NCAPG2: variants seen among roughly 807,000 people sequenced by gnomAD.
NCAPG2 encodes the protein non-SMC condensin II complex subunit G2.
In NCAPG2, 53 loss-of-function variants were observed where a neutral mutation model predicts 141.1. That is an observed-to-expected ratio of 0.38 (90% CI 0.30 to 0.47). The LOEUF (loss-of-function observed/expected upper bound fraction) is 0.47, where lower values mean the gene tolerates loss of function less well. Among genes scored for constraint, NCAPG2 ranks in the 20% least tolerant of loss-of-function variants. The pLI is 0.99. For synonymous variants in NCAPG2, 499 were observed against 490.7 expected (o/e 1.02, Z -0.22); for missense variants, 1,087 against 1,389.0 (o/e 0.78, Z 3.46).
At chr7:158,679,418 C>T (rs1208179228) in intron 11 of NCAPG2, among the ~76,000 whole-genome samples, 1 of 152,220 alleles carries the variant, frequency 6.6e-6, no homozygotes, top group Non-Finnish European at 1.5e-5. Flanking sequence ...CATCCTAGCA[C>T]CTCATCTGAA....
chr7:158,662,728 C>G (rs530929711), intron 15 of NCAPG2, among the ~76,000 whole-genome samples: 1 of 152,176 alleles, frequency 6.6e-6, no homozygotes, highest in South Asian at 2.1e-4. Context: ...CTTTTCACCA[C>G]AAATCTCGAT....
chr7:158,632,854 T>C (rs930450178), intron 27 of NCAPG2, among the ~76,000 whole-genome samples: 2 of 152,230 alleles, frequency 1.3e-5, no homozygotes, highest in Non-Finnish European at 2.9e-5. Context: ...GTAATCAATA[T>C]AAAATTATTT....
chr7:158,683,474 G>C (rs1834566554), intron 8 of NCAPG2, 88 bp from the exon 9 acceptor site: 1 of 766,292 alleles, frequency 1.3e-6, no homozygotes, highest in Non-Finnish European at 2.0e-6. Context: ...AGTACAAAGA[G>C]TCTGACCTGT....
chr7:158,674,673 A>G (rs1833947379), intron 12 of NCAPG2, among the ~76,000 whole-genome samples: 1 of 152,260 alleles, frequency 6.6e-6, no homozygotes. Flanking sequence ...CCACTAGGGC[A>G]TGGCCGTGAG....
At chr7:158,666,708 C>G (rs1341156019) in intron 13 of NCAPG2, among the ~76,000 whole-genome samples, 1 of 151,826 alleles carries the variant, frequency 6.6e-6, no homozygotes, top group Non-Finnish European at 1.5e-5. Context: ...AGGAGGATCG[C>G]TTGAGGCCAG....
chr7:158,680,915 C>T (rs1563561756), intron 9 of NCAPG2, 99 bp from the exon 10 acceptor site: 3 of 831,086 alleles, frequency 3.6e-6, no homozygotes, highest in Non-Finnish European at 1.8e-6. Context: ...TTGTTCTCTC[C>T]ACCACAAGTA....
In NCAPG2 at chr7:158,652,600, T is replaced by C. The variant is rs887764859; in HGVS notation, c.2747-120A>G. 3.1e-5 allele frequency: 27 copies of C among 866,518 alleles called. 1 individual carries two copies. Among genetic ancestry groups the C allele is most frequent in the Middle Eastern group, 7.2e-4 (2 of 2,776 alleles). The allele number at this position is 866,518 out of a possible 1,614,324, so 53.7% of individuals were successfully genotyped here. ...CAAAAAAGAGATTATTACACTTTGG[T>C]ATTTGGTGAGCCAATACCAAAAGCC... On this transcript the variant is annotated intron_variant, in intron 22 of 27. Transcript: ENST00000356309.
chr7:158,679,136 G>A (rs569231912), intron 11 of NCAPG2, among the ~76,000 whole-genome samples: 3 of 152,326 alleles, frequency 2.0e-5, no homozygotes, highest in Non-Finnish European at 2.9e-5. Flanking sequence ...GATTACAGGC[G>A]TAAGCCACTG....
chr7:158,667,121 A>C, intron 13 of NCAPG2: 1 of 984,186 alleles, frequency 1.0e-6, no homozygotes, highest in East Asian at 1.1e-4. Flanking sequence ...ATTAGCTTGC[A>C]TGCTCGTCAC....
chr7:158,655,314 A>G (rs1563516162), intron 20 of NCAPG2, 25 bp downstream of exon 20: 1 of 1,614,168 alleles, frequency 6.2e-7, no homozygotes, highest in East Asian at 2.2e-5. Context: ...GTATCATCCT[A>G]ATAGAGGGCC....
intron 2 of NCAPG2, among the ~76,000 whole-genome samples, chr7:158,700,155 C>A (rs959343047): frequency 2.6e-5 from 4 of 152,296 alleles, no homozygotes; most frequent in African/African-American, 7.2e-5. Flanking sequence ...GATGCACAAT[C>A]CTACACATTT....
chr7:158,669,604 AT>A (rs1833538723), intron 13 of NCAPG2, among the ~76,000 whole-genome samples: 1 of 151,246 alleles, frequency 6.6e-6, no homozygotes, highest in African/African-American at 2.4e-5. Flanking sequence ...CTCTACTAAA[AT>A]TTAAAAAAAA....
chr7:158,665,067 T>C (rs1479734041), intron 13 of NCAPG2: 2 of 217,948 alleles, frequency 9.2e-6, no homozygotes, highest in Non-Finnish European at 9.1e-6. Flanking sequence ...TAATATTTTT[T>C]AATTTCTTAA....
chr7:158,655,046 A>T, intron 21 of NCAPG2, 72 bp downstream of exon 21: 1 of 1,485,512 alleles, frequency 6.7e-7, no homozygotes, highest in Non-Finnish European at 9.0e-7. Context: ...ACCACTCTAA[A>T]GTAGAAAATG....
chr7:158,667,375 CCCCCTTACCCACTACT>C (rs1833107679), intron 13 of NCAPG2: 3 of 167,250 alleles, frequency 1.8e-5, no homozygotes, highest in Admixed American at 2.4e-4. Flanking sequence ...TCCCTCCGCC[CCCCCTTACCCACTACT>C]GGGTCCCTCC....
intron 12 of NCAPG2, 40 bp from the exon 13 acceptor site, chr7:158,671,706 A>G: frequency 6.2e-7 from 1 of 1,603,628 alleles, no homozygotes; most frequent in Non-Finnish European, 8.5e-7. Flanking sequence ...AAATCAGAAC[A>G]TGCCAATGAA....
intron 16 of NCAPG2, 30 bp downstream of exon 16, chr7:158,662,164 C>G: frequency 1.3e-6 from 2 of 1,560,024 alleles, no homozygotes; most frequent in Non-Finnish European, 8.6e-7. Context: ...CCTTAATATA[C>G]CTTGCTTACA....
intron 15 of NCAPG2, among the ~76,000 whole-genome samples, chr7:158,663,089 A>G (rs1832646185): frequency 6.6e-6 from 1 of 152,254 alleles, no homozygotes. Flanking sequence ...ACGTAAGTGC[A>G]TTGTGGCTGC....
intron 27 of NCAPG2, chr7:158,639,775 A>C: frequency 1.1e-6 from 1 of 905,674 alleles, no homozygotes; most frequent in Non-Finnish European, 1.3e-6. Flanking sequence ...CTACTGAAAA[A>C]ACAAAAACAA....
Sources: allele counts gnomAD v4.1 joint callset (sites outside exome capture counted in the v4.1 genomes callset), GRCh38; gene constraint gnomAD v4.1.1; transcripts MANE v1.5; gene names NCBI Gene and HGNC (gene_info 2026-07-23, HGNC 2026-07-21).